PDXDC1: variants seen among roughly 807,000 people sequenced by gnomAD.
PDXDC1 encodes the protein pyridoxal dependent decarboxylase domain containing 1, also known as pyridoxal-dependent decarboxylase domain-containing protein 1.
A neutral mutation model predicts 100.1 loss-of-function variants in PDXDC1; 42 were observed. The observed-to-expected ratio is 0.42, with a 90% confidence interval of 0.33 to 0.54. The LOEUF is 0.54. Ranked by LOEUF, PDXDC1 falls within the 20% of genes least tolerant of loss-of-function variation. The pLI is 0.10. For missense variants in PDXDC1, 636 were observed against 979.2 expected, an observed-to-expected ratio of 0.65 and a Z score of 4.68; for synonymous variants, 260 against 371.7, an observed-to-expected ratio of 0.70 and a Z score of 3.46.
intron 13 of PDXDC1, among the ~76,000 whole-genome samples, chr16:15,024,481 A>T (rs1356687534): frequency 6.7e-6 from 1 of 148,426 alleles, no homozygotes; most frequent in Non-Finnish European, 1.5e-5. Flanking sequence ...ATCTTGGCTC[A>T]CTCTAACCTC....
In PDXDC1 at chr16:15,132,867, G is replaced by A. The variant is rs1025919857; in HGVS notation, c.1400-6012G>A. The A allele has an allele frequency of 1.8e-5, 29 of 1,589,714 alleles. 1 individual carries two copies. Among genetic ancestry groups the A allele is most frequent in the African/African-American group, 1.5e-4 (11 of 74,668 alleles). ...GGCTCTGCCGCCACGTCCAGGGCCC[G>A]CTCGTACTGGGGCAGGCAGGCGGCA... On this transcript the variant is annotated intron_variant, in intron 16 of 16. Transcript: ENST00000535621.
At chr16:15,064,934 AG>A (rs1400284513) in intron 16 of PDXDC1, among the ~76,000 whole-genome samples, 1 of 152,200 alleles carries the variant, frequency 6.6e-6, no homozygotes, top group Non-Finnish European at 1.5e-5. Flanking sequence ...TGGGAGGCCG[AG>A]GCGGGCGGAT....
At chr16:15,015,542 C>G (rs2041723510) in intron 8 of PDXDC1, among the ~76,000 whole-genome samples, 1 of 152,138 alleles carries the variant, frequency 6.6e-6, no homozygotes, top group African/African-American at 2.4e-5. Flanking sequence ...TAGTGAAACC[C>G]CGTCTCTACT....
the PDXDC1 span, among the ~76,000 whole-genome samples, chr16:15,148,586 G>C: frequency 6.6e-6 from 1 of 151,042 alleles, no homozygotes; most frequent in Non-Finnish European, 1.5e-5. Context: ...GTCTCACCCT[G>C]TTGCCCAGGC....
chr16:15,033,102 C>G, intron 18 of PDXDC1, 123 bp downstream of exon 18: 2 of 955,136 alleles, frequency 2.1e-6, no homozygotes, highest in Non-Finnish European at 3.3e-6. Context: ...GGCGAAGATG[C>G]GGTTCTGAGA....
chr16:15,041,631 C>A (rs746961668), downstream of PDXDC1: 50 of 1,610,040 alleles, frequency 3.1e-5, no homozygotes, highest in Non-Finnish European at 4.1e-5. Flanking sequence ...ACCTGTCACA[C>A]ATAATGTCAC....
In PDXDC1 at chr16:15,086,408, A is replaced by G. The variant is rs779705782; in HGVS notation, c.1400-52471A>G. 3 of 1,613,646 alleles carry G rather than the reference A, an allele frequency of 1.9e-6. No individual in the cohort carries two copies. Among genetic ancestry groups the G allele is most frequent in the South Asian group, 1.1e-5 (1 of 91,048 alleles). The stretch of plus-strand genomic sequence containing the variant: ...TTGCTCAAAGTCTTTTGTCAAGTAC[A>G]TGATAGAAGAACGGAATTCTAGCAG... On this transcript the variant is annotated intron_variant, in intron 16 of 16. Transcript: ENST00000535621.
chr16:15,079,866 G>A (rs2045623598), intron 16 of PDXDC1: 1 of 1,051,276 alleles, frequency 9.5e-7, no homozygotes, highest in Non-Finnish European at 1.3e-6. Flanking sequence ...CAAAGTGCTG[G>A]GAATACAGGC....
intron 16 of PDXDC1, among the ~76,000 whole-genome samples, chr16:15,046,577 C>T (rs1350618281): frequency 6.6e-6 from 1 of 151,906 alleles, no homozygotes; most frequent in Non-Finnish European, 1.5e-5. Context: ...TCTTATCCAG[C>T]AATCCTTGGG....
intron 16 of PDXDC1, among the ~76,000 whole-genome samples, chr16:15,043,378 CA>C (rs2043912119): frequency 6.6e-6 from 1 of 152,176 alleles, no homozygotes; most frequent in African/African-American, 2.4e-5. Context: ...ACCCTGTCTC[CA>C]CAAAAAATTT....
intron 16 of PDXDC1, among the ~76,000 whole-genome samples, chr16:15,064,079 A>G (rs1190246915): frequency 6.6e-6 from 1 of 152,222 alleles, no homozygotes; most frequent in Non-Finnish European, 1.5e-5. Context: ...AGAAACCATA[A>G]TAAGCAAAAA....
chr16:15,149,122 C>T, the PDXDC1 span, among the ~76,000 whole-genome samples: 4 of 152,172 alleles, frequency 2.6e-5, no homozygotes, highest in Admixed American at 6.5e-5. Flanking sequence ...CTAGAAGACA[C>T]GGGCCTCTCC....
chr16:15,150,071 G>A, the PDXDC1 span, among the ~76,000 whole-genome samples: 1 of 152,020 alleles, frequency 6.6e-6, no homozygotes, highest in East Asian at 1.9e-4. Context: ...TAAAAGACAG[G>A]CGGTGGCTCA....
intron 16 of PDXDC1, chr16:15,138,833 CCA>C (rs2048421038): frequency 3.7e-5 from 2 of 53,958 alleles, no homozygotes; most frequent in African/African-American, 1.1e-4. Context: ...TCCACAGCCC[CCA>C]CACAGACTCG....
At chr16:15,133,273 G>C (rs71374772) in intron 16 of PDXDC1, 25 of 1,581,902 alleles carry the variant, frequency 1.6e-5, no homozygotes, top group South Asian at 1.2e-4. Context: ...CCTCGTTCAG[G>C]ACGGTGACCA....
intron 16 of PDXDC1, among the ~76,000 whole-genome samples, chr16:15,124,329 T>C (rs2047586158): frequency 1.3e-5 from 2 of 152,216 alleles, no homozygotes; most frequent in Admixed American, 6.5e-5. Context: ...CTCTCAGGCC[T>C]CTGGCAGCTG....
intron 5 of PDXDC1, among the ~76,000 whole-genome samples, chr16:15,005,539 A>C (rs1196037471): frequency 6.6e-6 from 1 of 152,262 alleles, no homozygotes; most frequent in Non-Finnish European, 1.5e-5. Flanking sequence ...CAGTGTTGGG[A>C]AAGAACTTGG....
chr16:15,032,668 A>AAAAAAAAG (rs57542228), intron 17 of PDXDC1, 193 bp from the exon 18 acceptor site: 15 of 380,180 alleles, frequency 3.9e-5, no homozygotes, highest in South Asian at 1.8e-4. Context: ...AAAAAAAAAA[A>AAAAAAAAG]AGGCTTTCCT....
intron 18 of PDXDC1, 136 bp from the exon 19 acceptor site, chr16:15,033,142 C>G (rs2043169237): frequency 1.9e-6 from 2 of 1,078,730 alleles, no homozygotes; most frequent in Non-Finnish European, 2.8e-6. Context: ...CCTTGCCAGG[C>G]CTTTCTCTCC....
Sources: allele counts gnomAD v4.1 joint callset (sites outside exome capture counted in the v4.1 genomes callset), GRCh38; gene constraint gnomAD v4.1.1; transcripts MANE v1.5; gene names NCBI Gene and HGNC (gene_info 2026-07-23, HGNC 2026-07-21).